CDH9: variants seen among roughly 807,000 people sequenced by gnomAD.
The protein encoded by CDH9 is cadherin 9.
In CDH9, 28 loss-of-function variants were observed where a neutral mutation model predicts 70.9. The ratio of observed to expected loss-of-function variants is 0.40; its 90% confidence interval spans 0.29 to 0.54. The LOEUF (loss-of-function observed/expected upper bound fraction) is 0.54. Among genes scored for constraint, CDH9 ranks in the 20% least tolerant of loss-of-function variants. The probability of loss-of-function intolerance (pLI) is 0.59; values close to 1 mark genes in which losing one functional copy is unlikely to be tolerated. For missense variants in CDH9, 874 were observed against 984.4 expected (o/e 0.89, Z 1.50); for synonymous variants, 409 against 343.1 (o/e 1.19, Z -2.12).
Position 26,915,744 on chromosome 5 carries a change from G to A in CDH9, c.409C>T (p.Arg137Trp), listed in dbSNP as rs138749280. 39 of 1,613,370 alleles carry A rather than the reference G, an allele frequency of 2.4e-5. No homozygotes were observed. Among genetic ancestry groups the A allele is most frequent in the Admixed American group, 1.3e-4 (8 of 59,948 alleles). ...RAKAIDRKTG[R>W]QVEPESEFII... is the part of the protein sequence containing the mutation. ...AATTCCGATTCCGGTTCCACCTGCC[G>A]CCCAGTTTTTCTGTCTATAGCCTTG... Residue 137 changes from arginine to tryptophan, a missense_variant, in exon 3 of 12, where the codon CGG (arginine) becomes TGG (tryptophan). By Grantham distance (101) the Arg-to-Trp change is moderately radical (BLOSUM62 -3). Transcript: ENST00000231021.
At chr5:26,884,669 C>T (rs1740530031) in intron 11 of CDH9, among the ~76,000 whole-genome samples, 1 of 152,150 alleles carries the variant, frequency 6.6e-6, no homozygotes, top group African/African-American at 2.4e-5. Flanking sequence ...GCAAGGATAT[C>T]TGGCCAAAGG....
intron 7 of CDH9, among the ~76,000 whole-genome samples, chr5:26,893,003 G>A (rs1740687587): frequency 1.3e-5 from 2 of 152,124 alleles, no homozygotes; most frequent in African/African-American, 4.8e-5. Context: ...AAAGTGCTAG[G>A]ACTACAGGCG....
rs578167486 is a variant in CDH9 at position 27,015,449 on chromosome 5, G to A, written c.-50+23014C>T. 2.4e-3 allele frequency among the ~76,000 whole-genome samples: 362 copies of A among 151,596 alleles called. 1 individual carries two copies. Among genetic ancestry groups the A allele is most frequent in the African/African-American group, 8.0e-3 (332 of 41,438 alleles). ...CTCATTTAACTCTGCCACAAAATAC[G>A]GGCAGTTTACTTTTTAATTTTTTTC... On this transcript the variant is annotated intron_variant, in intron 1 of 11. Coordinates refer to ENST00000231021, the MANE Select transcript of CDH9 (RefSeq NM_016279.4).
chr5:26,900,203 C>T (rs1223380688), intron 7 of CDH9, among the ~76,000 whole-genome samples: 1 of 151,918 alleles, frequency 6.6e-6, no homozygotes, highest in Non-Finnish European at 1.5e-5. Flanking sequence ...GTAGATACAA[C>T]TCATATAAAA....
At position 26,905,919 on chromosome 5, in the gene CDH9, G is replaced by A. The variant is rs112543285; in HGVS notation, c.811+40C>T. 2,073 of 1,511,106 alleles carry A rather than the reference G, an allele frequency of 1.4e-3. 20 individuals carry two copies. In the African/African-American group the frequency reaches 0.021, roughly 15 times the overall value. 93.6% of individuals were successfully genotyped at this position (1,511,106 alleles called of 1,614,324 possible). The stretch of plus-strand genomic sequence containing the variant: ...ATTAAACTCGGCTACTAGTGTATTT[G>A]AGAAGTTTTTGGACATGAGATCACT... On this transcript the variant is annotated intron_variant, in intron 5 of 11. Transcript: ENST00000231021.
intron 1 of CDH9, among the ~76,000 whole-genome samples, chr5:27,002,598 T>G (rs920794019): frequency 2.0e-4 from 30 of 151,994 alleles, no homozygotes; most frequent in Non-Finnish European, 3.5e-4. Flanking sequence ...CCATAAAAAA[T>G]GATGAGTTCA....
chr5:26,988,495 T>G, intron 1 of CDH9, 113 bp from the exon 2 acceptor site: 1 of 829,572 alleles, frequency 1.2e-6, no homozygotes, highest in Non-Finnish European at 1.7e-6. Context: ...ATGTACTATA[T>G]ATACATTATA....
Position 26,930,995 on chromosome 5 carries a change from A to G in CDH9, c.229-15071T>C, listed in dbSNP as rs1741452960. Among the ~76,000 whole-genome samples, 3 of 152,182 alleles carry G rather than the reference A, an allele frequency of 2.0e-5. No homozygotes were observed. In the South Asian group the frequency reaches 6.2e-4, roughly 32 times the overall value. On this transcript the variant is annotated intron_variant, in intron 2 of 11. Transcript: ENST00000231021. Reference sequence around the variant, plus strand: ...TTTAAGATAAAAGAAAACCAATTATAATCCTACTTCTATGCAATGTATTTC... The same window carrying G: ...TTTAAGATAAAAGAAAACCAATTATGATCCTACTTCTATGCAATGTATTTC...
At chr5:26,961,468 T>C (rs1742033984) in intron 2 of CDH9, among the ~76,000 whole-genome samples, 1 of 152,062 alleles carries the variant, frequency 6.6e-6, no homozygotes, top group Non-Finnish European at 1.5e-5. Context: ...GGAGTATGAG[T>C]TGGTATAATC....
At chr5:26,997,658 A>G (rs1742689277) in intron 1 of CDH9, among the ~76,000 whole-genome samples, 1 of 152,146 alleles carries the variant, frequency 6.6e-6, no homozygotes, top group Non-Finnish European at 1.5e-5. Context: ...CTAACAAGCT[A>G]TTAGTGATGG....
At chr5:26,979,023 A>G (rs78418177) in intron 2 of CDH9, among the ~76,000 whole-genome samples, 2,435 of 151,894 alleles carry the variant, frequency 0.016, 40 homozygotes, top group Non-Finnish European at 0.023. Flanking sequence ...AGTTGAAGGG[A>G]AATGATGTCA....
At chr5:26,964,004 C>T (rs1414750265) in intron 2 of CDH9, among the ~76,000 whole-genome samples, 1 of 151,960 alleles carries the variant, frequency 6.6e-6, no homozygotes, top group Non-Finnish European at 1.5e-5. Flanking sequence ...TTAACATTAA[C>T]CTTTTCCATA....
intron 7 of CDH9, among the ~76,000 whole-genome samples, chr5:26,900,335 T>C (rs1458411560): frequency 6.6e-6 from 1 of 152,124 alleles, no homozygotes; most frequent in African/African-American, 2.4e-5. Flanking sequence ...TACTGTATTC[T>C]ATGAAGCAGT....
At chr5:26,989,593 T>G (rs943636689) in intron 1 of CDH9, among the ~76,000 whole-genome samples, 1 of 151,748 alleles carries the variant, frequency 6.6e-6, no homozygotes, top group South Asian at 2.1e-4. Flanking sequence ...CTGAATAAAT[T>G]GTGTGGGTGA....
intron 7 of CDH9, among the ~76,000 whole-genome samples, chr5:26,900,919 A>C (rs546098343): frequency 2.4e-4 from 36 of 152,152 alleles, no homozygotes; most frequent in South Asian, 1.5e-3. Flanking sequence ...TTTCCATTTC[A>C]GTACTGCAGA....
At chr5:27,020,780 C>T (rs747252440) in intron 1 of CDH9, among the ~76,000 whole-genome samples, 3 of 151,026 alleles carry the variant, frequency 2.0e-5, no homozygotes, top group African/African-American at 4.9e-5. Flanking sequence ...GTGTTCAATA[C>T]ATTTTAAGGT....
intron 2 of CDH9, among the ~76,000 whole-genome samples, chr5:26,935,005 A>G (rs1007517740): frequency 6.6e-6 from 1 of 152,114 alleles, no homozygotes; most frequent in Non-Finnish European, 1.5e-5. Context: ...ATTATCAGAT[A>G]TAATCCAATA....
Position 26,881,634 on chromosome 5 carries a change from G to C in CDH9, c.1883-11C>G, listed in dbSNP as rs574638758. The stretch of plus-strand genomic sequence containing the variant: ...ACAACACGACTAAAACTATTAATAA[G>C]AAATGGGAAAATAGTGAGATTTCAT... On this transcript the variant is annotated splice_polypyrimidine_tract_variant and intron_variant, in intron 11 of 11. Coordinates refer to ENST00000231021, the MANE Select transcript of CDH9 (RefSeq NM_016279.4). 1.3e-6 allele frequency: 2 copies of C among 1,591,202 alleles called. No individual in the cohort carries two copies. Among genetic ancestry groups the C allele is most frequent in the Admixed American group, 1.8e-5 (1 of 55,494 alleles).
chr5:27,003,511 A>G (rs559385735), intron 1 of CDH9, among the ~76,000 whole-genome samples: 2 of 152,218 alleles, frequency 1.3e-5, no homozygotes, highest in East Asian at 3.9e-4. Context: ...ATATTAAAAC[A>G]AGGGTAGTAA....
Sources: gnomAD v4.1 joint callset for allele counts (sites outside exome capture counted in the v4.1 genomes callset) on GRCh38, gnomAD v4.1.1 for gene constraint, MANE v1.5 for transcripts, NCBI Gene and HGNC (gene_info 2026-07-23, HGNC 2026-07-21) for gene names.